The following PLCB1 variants were observed in gnomAD, a reference collection of about 807,000 sequenced individuals.
PLCB1 encodes the protein 1-phosphatidylinositol 4,5-bisphosphate phosphodiesterase beta-1.
In PLCB1, 46 loss-of-function variants were observed where a neutral mutation model predicts 161.8. The ratio of observed to expected loss-of-function variants is 0.28; its 90% CI spans 0.22 to 0.36. PLCB1 has a LOEUF of 0.36. PLCB1 is among the 10% of genes least tolerant of loss of function. The probability of loss-of-function intolerance (pLI) is 1.00; values close to 1 mark genes in which losing one functional copy is unlikely to be tolerated. For synonymous variants in PLCB1, 517 were observed against 503.7 expected (o/e 1.03, Z -0.35); for missense variants, 1,016 against 1,472.5 (o/e 0.69, Z 5.07).
intron 2 of PLCB1, among the ~76,000 whole-genome samples, chr20:8,232,627 C>T (rs535425243): frequency 1.1e-4 from 16 of 152,210 alleles, no homozygotes; most frequent in African/African-American, 3.9e-4. Flanking sequence ...CTTTCAGAAG[C>T]CTGATCCCCC....
chr20:8,139,652 C>T (rs1024392231), intron 1 of PLCB1, among the ~76,000 whole-genome samples: 1 of 151,852 alleles, frequency 6.6e-6, no homozygotes, highest in Non-Finnish European at 1.5e-5. Flanking sequence ...AATTTTAATC[C>T]ATTTTATAGA....
At chr20:8,312,364 G>A (rs1984445591) in intron 2 of PLCB1, among the ~76,000 whole-genome samples, 1 of 152,054 alleles carries the variant, frequency 6.6e-6, no homozygotes, top group Non-Finnish European at 1.5e-5. Flanking sequence ...CTCTCTGTGG[G>A]ATCAGGCCAA....
At chr20:8,759,023 C>T (rs913535802) in intron 24 of PLCB1, among the ~76,000 whole-genome samples, 1 of 152,228 alleles carries the variant, frequency 6.6e-6, no homozygotes, top group African/African-American at 2.4e-5. Context: ...GATTCCAACG[C>T]AGGATCCCAA....
intron 3 of PLCB1, among the ~76,000 whole-genome samples, chr20:8,430,862 G>A (rs921489219): frequency 6.6e-6 from 1 of 152,092 alleles, no homozygotes; most frequent in Non-Finnish European, 1.5e-5. Context: ...GGAGGCTGAG[G>A]CAGGAGGCTC....
intron 3 of PLCB1, among the ~76,000 whole-genome samples, chr20:8,454,177 T>C (rs1455935288): frequency 6.6e-6 from 1 of 152,180 alleles, no homozygotes; most frequent in Non-Finnish European, 1.5e-5. Context: ...TGTTTTGTTA[T>C]GGCAGCCCGA....
At chr20:8,180,301 G>A (rs987585675) in intron 2 of PLCB1, among the ~76,000 whole-genome samples, 1 of 152,190 alleles carries the variant, frequency 6.6e-6, no homozygotes, top group African/African-American at 2.4e-5. Flanking sequence ...CAGGGATAAA[G>A]CCTATTTGAT....
At chr20:8,307,869 G>A (rs557099596) in intron 2 of PLCB1, among the ~76,000 whole-genome samples, 53 of 151,898 alleles carry the variant, frequency 3.5e-4, no homozygotes, top group Admixed American at 9.2e-4. Flanking sequence ...TTGACAGTGA[G>A]CTAAGATAGT....
intron 2 of PLCB1, among the ~76,000 whole-genome samples, chr20:8,199,857 A>G (rs1347495418): frequency 6.6e-6 from 1 of 152,138 alleles, no homozygotes; most frequent in African/African-American, 2.4e-5. Flanking sequence ...ACAAATGTTA[A>G]CTTATTTTAT....
chr20:8,469,724 T>C (rs1981970647), intron 3 of PLCB1, among the ~76,000 whole-genome samples: 1 of 152,190 alleles, frequency 6.6e-6, no homozygotes, highest in Admixed American at 6.6e-5. Flanking sequence ...ATCAGAGTTT[T>C]AACAAGTAAC....
At chr20:8,348,139 G>A (rs1394216273) in intron 2 of PLCB1, among the ~76,000 whole-genome samples, 1 of 152,196 alleles carries the variant, frequency 6.6e-6, no homozygotes, top group Non-Finnish European at 1.5e-5. Flanking sequence ...TGACTACAAA[G>A]ATGACCCTCT....
chr20:8,243,511 C>T (rs1036226179), intron 2 of PLCB1, among the ~76,000 whole-genome samples: 12 of 151,850 alleles, frequency 7.9e-5, no homozygotes, highest in African/African-American at 2.4e-4. Flanking sequence ...TCTATAACTC[C>T]GGCTAAGGGA....
At chr20:8,637,478 C>T (rs1029714115) in intron 4 of PLCB1, among the ~76,000 whole-genome samples, 14 of 151,888 alleles carry the variant, frequency 9.2e-5, no homozygotes, top group African/African-American at 3.4e-4. Context: ...GGAGTAGATT[C>T]AGGTAATGAG....
At chr20:8,158,591 A>G (rs1419672147) in intron 2 of PLCB1, among the ~76,000 whole-genome samples, 1 of 152,186 alleles carries the variant, frequency 6.6e-6, no homozygotes, top group Non-Finnish European at 1.5e-5. Context: ...TTTCAGCATT[A>G]ACTCAAAAGT....
intron 13 of PLCB1, 94 bp from the exon 14 acceptor site, chr20:8,717,577 G>A (rs965283010): frequency 1.1e-6 from 1 of 924,000 alleles, no homozygotes; most frequent in Non-Finnish European, 1.7e-6. Context: ...AAGAAGTCTA[G>A]ACATTTGGTA....
At chr20:8,504,435 T>C (rs1406592529) in intron 3 of PLCB1, among the ~76,000 whole-genome samples, 1 of 152,222 alleles carries the variant, frequency 6.6e-6, no homozygotes, top group African/African-American at 2.4e-5. Flanking sequence ...ATAGCACTGA[T>C]AAATATTTTC....
At chr20:8,483,574 C>G (rs1982595912) in intron 3 of PLCB1, among the ~76,000 whole-genome samples, 1 of 152,140 alleles carries the variant, frequency 6.6e-6, no homozygotes, top group African/African-American at 2.4e-5. Flanking sequence ...CTTGAACAGA[C>G]AGTTTTTTGG....
At chr20:8,195,850 T>G (rs1192224304) in intron 2 of PLCB1, among the ~76,000 whole-genome samples, 1 of 152,118 alleles carries the variant, frequency 6.6e-6, no homozygotes, top group Non-Finnish European at 1.5e-5. Context: ...GTTCTGCATT[T>G]GTATTAGTCG....
At chr20:8,335,681 G>T (rs370821338) in intron 2 of PLCB1, among the ~76,000 whole-genome samples, 1 of 152,106 alleles carries the variant, frequency 6.6e-6, no homozygotes, top group East Asian at 1.9e-4. Flanking sequence ...TAATTATTCT[G>T]TTCTGCTTCA....
At chr20:8,265,200 C>G (rs1053364726) in intron 2 of PLCB1, among the ~76,000 whole-genome samples, 12 of 152,162 alleles carry the variant, frequency 7.9e-5, no homozygotes, top group African/African-American at 2.7e-4. Context: ...TCTCAATCTT[C>G]TCCTCCATAA....
Sources: gnomAD v4.1 joint callset for allele counts (sites outside exome capture counted in the v4.1 genomes callset) on GRCh38, gnomAD v4.1.1 for gene constraint, MANE v1.5 for transcripts, NCBI Gene and HGNC (gene_info 2026-07-23, HGNC 2026-07-21) for gene names.